STRADA: variants seen among roughly 807,000 people sequenced by gnomAD.
The protein encoded by STRADA is STE20-related kinase adapter protein alpha.
In STRADA, 26 loss-of-function variants were observed where a neutral mutation model predicts 55.0. The ratio of observed to expected loss-of-function variants is 0.47; its 90% CI spans 0.35 to 0.66. The LOEUF (loss-of-function observed/expected upper bound fraction) is 0.66. Among genes scored for constraint, STRADA ranks in the 30% least tolerant of loss-of-function variants. STRADA has a pLI of 0.01. For synonymous variants in STRADA, 197 were observed against 210.9 expected, an observed-to-expected ratio of 0.93 and a Z score of 0.57; for missense variants, 443 against 549.7, an observed-to-expected ratio of 0.81 and a Z score of 1.94.
chr17:63,730,638 C>T (rs537849699), intron 1 of STRADA, among the ~76,000 whole-genome samples: 17 of 152,128 alleles, frequency 1.1e-4, no homozygotes, highest in Admixed American at 2.0e-4. Flanking sequence ...CTCACTGCAA[C>T]CTCTGCCTCC....
At position 63,732,646 on chromosome 17, in the gene STRADA, T is replaced by C. The variant is rs527956707; in HGVS notation, c.-44-4233A>G. Among the ~76,000 whole-genome samples, 4 of 152,166 alleles carry C rather than the reference T, an allele frequency of 2.6e-5. No individual in the cohort carries two copies. In the South Asian group the frequency reaches 8.3e-4, roughly 32 times the overall value. On this transcript the variant is annotated intron_variant, in intron 1 of 12. Coordinates refer to ENST00000336174, the MANE Select transcript of STRADA (RefSeq NM_001003787.4). ...GCCCATCTCTACAAAAATATAAAAA[T>C]TAGCCAGGCATGGTGGCATGTGCCT...
intron 3 of STRADA, 116 bp downstream of exon 3, chr17:63,726,522 C>A: frequency 2.1e-6 from 2 of 940,548 alleles, no homozygotes; most frequent in Non-Finnish European, 3.1e-6. Context: ...AGAAATCCAA[C>A]AACTGTAGGT....
intron 4 of STRADA, among the ~76,000 whole-genome samples, chr17:63,719,852 T>C (rs571370842): frequency 3.6e-4 from 55 of 152,256 alleles, no homozygotes; most frequent in Non-Finnish European, 6.9e-4. Flanking sequence ...AGACATATTG[T>C]CTACTAGGCT....
At chr17:63,719,638 C>G (rs1170821291) in intron 4 of STRADA, among the ~76,000 whole-genome samples, 1 of 152,154 alleles carries the variant, frequency 6.6e-6, no homozygotes, top group Admixed American at 6.5e-5. Context: ...TGCGTGCTAC[C>G]ATGCCCGGCT....
At chr17:63,728,053 C>T (rs557869703) in intron 2 of STRADA, 137 of 336,936 alleles carry the variant, frequency 4.1e-4, no homozygotes, top group African/African-American at 1.6e-3. Flanking sequence ...AAAGTATCAT[C>T]GACTCATTTA....
At chr17:63,730,948 T>C (rs909341245) in intron 1 of STRADA, among the ~76,000 whole-genome samples, 6 of 151,612 alleles carry the variant, frequency 4.0e-5, no homozygotes, top group African/African-American at 7.3e-5. Context: ...GGCCCTACCC[T>C]GATATTCTTT....
intron 10 of STRADA, chr17:63,705,173 G>A (rs2036001433): frequency 1.8e-6 from 1 of 562,796 alleles, no homozygotes; most frequent in Admixed American, 3.0e-5. Flanking sequence ...AGCTGTCCAA[G>A]CCAGAAACCT....
chr17:63,729,402 T>C (rs1205573657), intron 1 of STRADA, among the ~76,000 whole-genome samples: 1 of 152,164 alleles, frequency 6.6e-6, no homozygotes, highest in Non-Finnish European at 1.5e-5. Flanking sequence ...TCTACCAACA[T>C]AGCTCTGGCA....
At chr17:63,709,516 T>C (rs926203847) in intron 8 of STRADA, among the ~76,000 whole-genome samples, 7 of 152,206 alleles carry the variant, frequency 4.6e-5, no homozygotes, top group Admixed American at 6.5e-5. Context: ...ATCTGCTCTG[T>C]CACTTGTTTC....
intron 2 of STRADA, 155 bp from the exon 3 acceptor site, chr17:63,726,850 C>T (rs889014661): frequency 4.3e-5 from 29 of 675,556 alleles, no homozygotes; most frequent in Admixed American, 3.1e-4. Context: ...TTAACAGAAT[C>T]TTGAACTAAA....
intron 8 of STRADA, among the ~76,000 whole-genome samples, chr17:63,709,339 C>T (rs1448065227): frequency 6.6e-6 from 1 of 152,182 alleles, no homozygotes; most frequent in African/African-American, 2.4e-5. Context: ...ATTTGCTTTT[C>T]TCTGATTGCG....
At chr17:63,703,913 CTCAT>C (rs2035882517) in intron 12 of STRADA, 88 bp downstream of exon 12, 2 of 1,606,872 alleles carry the variant, frequency 1.2e-6, no homozygotes, top group Admixed American at 3.5e-5. Context: ...GGTAGTTTCT[CTCAT>C]TCAAAGGGAG....
At chr17:63,739,243 A>G (rs2038689330) in intron 1 of STRADA, among the ~76,000 whole-genome samples, 1 of 152,020 alleles carries the variant, frequency 6.6e-6, no homozygotes, top group South Asian at 2.1e-4. Context: ...AATTATTTTA[A>G]TAACTGCACA....
At chr17:63,740,993 C>T (rs1428075339) in intron 1 of STRADA, among the ~76,000 whole-genome samples, 1 of 152,044 alleles carries the variant, frequency 6.6e-6, no homozygotes, top group Non-Finnish European at 1.5e-5. Context: ...GTCTTAACGT[C>T]GCATATACGT....
rs1231270158 is a variant in STRADA, at chr17:63,713,499, C to T, written c.255G>A (p.Val85=). 6.2e-7 allele frequency: 1 copy of T among 1,613,986 alleles called. No homozygotes were observed. The highest frequency in any genetic ancestry group is 1.3e-5 in the African/African-American group (1 of 74,928). Residue 85 remains valine (V), a synonymous_variant, in exon 6 of 13, where the codon GTG becomes GTA. Coordinates refer to ENST00000336174, the MANE Select transcript of STRADA (RefSeq NM_001003787.4). ...CTGTTGGTTTGTACCTTGCTAGATT[C>T]ACAGTCATCAGGTCCTCAAATCCTT... ...IGKGFEDLMT[V]NLARYKPTGE...
At chr17:63,739,813 A>T (rs1011659199) in intron 1 of STRADA, among the ~76,000 whole-genome samples, 2 of 145,844 alleles carry the variant, frequency 1.4e-5, no homozygotes, top group African/African-American at 5.0e-5. Flanking sequence ...ATGTATATAC[A>T]TATAATGTAC....
At position 63,710,239 on chromosome 17, in the gene STRADA, A is replaced by C; in HGVS notation, c.581+252T>G. On this transcript the variant is annotated intron_variant, in intron 8 of 12. Transcript: ENST00000336174. ...TTTTTAGTAGAGACAGGGTTTCACT[A>C]TGTTGGCCAGGCTGGTCTCAAACTC... 1.2e-5 allele frequency: 5 copies of C among 400,068 alleles called. No individual in the cohort carries two copies. In the South Asian group the frequency reaches 1.3e-4, roughly 10 times the overall value. 24.8% of individuals were successfully genotyped at this position (400,068 alleles called of 1,614,324 possible).
intron 1 of STRADA, among the ~76,000 whole-genome samples, chr17:63,730,117 T>G (rs1432248086): frequency 3.9e-5 from 6 of 152,188 alleles, no homozygotes; most frequent in African/African-American, 1.4e-4. Context: ...ATTATAGGCA[T>G]GAGCCACTGT....
intron 1 of STRADA, among the ~76,000 whole-genome samples, chr17:63,734,820 A>C (rs980638542): frequency 2.7e-4 from 41 of 152,126 alleles, no homozygotes; most frequent in African/African-American, 8.7e-4. Flanking sequence ...AGTAAAGATT[A>C]ATTTAGAAAA....
Sources: gnomAD v4.1 joint callset for allele counts (sites outside exome capture counted in the v4.1 genomes callset) on GRCh38, gnomAD v4.1.1 for gene constraint, MANE v1.5 for transcripts, NCBI Gene and HGNC (gene_info 2026-07-23, HGNC 2026-07-21) for gene names.